FAM234A: variants seen among roughly 807,000 people sequenced by gnomAD.
The protein encoded by FAM234A is protein FAM234A.
FAM234A carries 42 observed loss-of-function variants against 49.1 expected under a neutral mutation model. The observed-to-expected ratio is 0.86, with a 90% CI of 0.67 to 1.11. FAM234A has a LOEUF of 1.11. FAM234A is among the 50% of genes least tolerant of loss of function. The pLI, the probability that FAM234A is intolerant of heterozygous loss-of-function variation, is 0.00. For synonymous variants in FAM234A, 369 were observed against 316.2 expected, an observed-to-expected ratio of 1.17 and a Z score of -1.77; for missense variants, 815 against 745.2, an observed-to-expected ratio of 1.09 and a Z score of -1.09.
At chr16:245,504 TCC>T (rs1166470451) in intron 1 of FAM234A, among the ~76,000 whole-genome samples, 1 of 152,134 alleles carries the variant, frequency 6.6e-6, no homozygotes, top group Non-Finnish European at 1.5e-5. Flanking sequence ...CCCACTGGGG[TCC>T]TTGCCTTTCT....
At chr16:267,562 T>G (rs949718229), downstream of FAM234A, among the ~76,000 whole-genome samples, 1 of 148,708 alleles carries the variant, frequency 6.7e-6, no homozygotes, top group African/African-American at 2.5e-5. Flanking sequence ...ACAGTACACC[T>G]GCACACGTGC....
chr16:269,039 A>G, downstream of FAM234A: 2 of 1,189,996 alleles, frequency 1.7e-6, no homozygotes, highest in Non-Finnish European at 2.4e-6. Context: ...AGCTGAGCCA[A>G]TGAACCCCCT....
At chr16:248,115 T>C (rs991189248) in intron 1 of FAM234A, 12 of 152,122 alleles carry the variant, frequency 7.9e-5, no homozygotes, top group African/African-American at 2.7e-4. Context: ...TATTTCATTC[T>C]GCTCTGCAGG....
intron 1 of FAM234A, among the ~76,000 whole-genome samples, chr16:244,553 T>C (rs1389132693): frequency 6.6e-6 from 1 of 152,162 alleles, no homozygotes; most frequent in Non-Finnish European, 1.5e-5. Flanking sequence ...TCCCCCTTAC[T>C]AACGGTTTTC....
In FAM234A at chr16:255,312, T is replaced by TTTGTAGAGTTATGTAGCTGTCAGTACAA. The variant is rs539448121; in HGVS notation, c.268+634_268+661dup. 9.2e-5 allele frequency among the ~76,000 whole-genome samples: 14 copies of TTTGTAGAGTTATGTAGCTGTCAGTACAA among 152,298 alleles called. 1 individual carries two copies. In the East Asian group the frequency reaches 2.7e-3, roughly 29 times the overall value. ...GCCCAATTCAGTGATTTGTAGTCAG[T>TTTGTAGAGTTATGTAGCTGTCAGTACAA]TTGTAGAGTTATGTAGCTGTCAGTA... On this transcript the variant is annotated intron_variant, in intron 3 of 12. Transcript: ENST00000399932.
At chr16:260,871 T>G (rs140053104) in intron 5 of FAM234A, 104 of 341,116 alleles carry the variant, frequency 3.0e-4, no homozygotes, top group African/African-American at 2.2e-3. Flanking sequence ...GGACCTGTGG[T>G]CAGTAGATCT....
chr16:246,622 T>C (rs2050819293), intron 1 of FAM234A, among the ~76,000 whole-genome samples: 1 of 151,304 alleles, frequency 6.6e-6, no homozygotes, highest in East Asian at 1.9e-4. Context: ...GGTTTCACCG[T>C]GTTAGCCAGG....
chr16:238,817 G>T (rs1454178290), intron 1 of FAM234A, among the ~76,000 whole-genome samples: 2 of 145,978 alleles, frequency 1.4e-5, no homozygotes, highest in Non-Finnish European at 1.5e-5. Context: ...GGGCGTGGTG[G>T]CTCAAGCCTG....
intron 10 of FAM234A, 53 bp downstream of exon 10, chr16:263,828 C>A: frequency 6.6e-7 from 1 of 1,507,896 alleles, no homozygotes; most frequent in Non-Finnish European, 9.2e-7. Flanking sequence ...TGAGGATAGA[C>A]TGGTCTGAAA....
chr16:242,107 G>C (rs2050638222), intron 1 of FAM234A, among the ~76,000 whole-genome samples: 1 of 152,126 alleles, frequency 6.6e-6, no homozygotes, highest in South Asian at 2.1e-4. Flanking sequence ...GGATTGTTTT[G>C]TTCTTCCCCC....
At chr16:263,196 G>T in intron 8 of FAM234A, 66 bp from the exon 9 acceptor site, 2 of 1,578,920 alleles carry the variant, frequency 1.3e-6, no homozygotes, top group Non-Finnish European at 1.7e-6. Context: ...CGGTGCCAGA[G>T]CCTCCACTGG....
intron 2 of FAM234A, 34 bp from the exon 3 acceptor site, chr16:254,347 C>G (rs924223378): frequency 3.8e-6 from 6 of 1,571,436 alleles, no homozygotes; most frequent in African/African-American, 1.4e-5. Context: ...CGTGGGACTG[C>G]TGGCCTCGCC....
downstream of FAM234A, among the ~76,000 whole-genome samples, chr16:267,894 C>A (rs1248576578): frequency 7.0e-6 from 1 of 142,842 alleles, no homozygotes; most frequent in African/African-American, 2.6e-5. Context: ...CATGCACATA[C>A]CACACATGCA....
rs1323208933 is a variant in FAM234A, at chr16:262,185, C to T, written c.801C>T (p.His267=). The T allele has an allele frequency of 1.9e-6, 3 of 1,613,900 alleles. No individual in the cohort carries two copies. Among genetic ancestry groups the T allele is most frequent in the East Asian group, 2.2e-5 (1 of 44,890 alleles). Residue 267 remains histidine (H), a synonymous_variant, in exon 7 of 13, where the codon CAC becomes CAT. Coordinates refer to ENST00000399932, the MANE Select transcript of FAM234A (RefSeq NM_032039.4). ...GVDGESGFLL[H]VTRTGAHYIL... Reference sequence around the variant, plus strand: ...ACGGGGAAAGTGGCTTCCTCCTTCACGTCACCAGGACAGGTGCCCACTACA... The same window carrying T: ...ACGGGGAAAGTGGCTTCCTCCTTCATGTCACCAGGACAGGTGCCCACTACA...
At position 262,284 on chromosome 16, in the gene FAM234A, G is replaced by A. The variant is rs554318039; in HGVS notation, c.841+59G>A. 2.6e-4 allele frequency: 418 copies of A among 1,598,052 alleles called. 2 individuals are homozygous for A. In the South Asian group the frequency reaches 3.5e-3, roughly 14 times the overall value. ...CACTCGTGGAGCATGACTGCCCTGCGGCTCCTCAGGTCCTGCTTCTGCTCT... is the reference window on the plus strand; with the variant it reads ...CACTCGTGGAGCATGACTGCCCTGCAGCTCCTCAGGTCCTGCTTCTGCTCT... On this transcript the variant is annotated intron_variant, in intron 7 of 12. Coordinates refer to ENST00000399932, the MANE Select transcript of FAM234A (RefSeq NM_032039.4).
chr16:256,314 A>T (rs1261345237), intron 3 of FAM234A, among the ~76,000 whole-genome samples: 2 of 151,896 alleles, frequency 1.3e-5, no homozygotes, highest in East Asian at 2.0e-4. Flanking sequence ...CCATTTGACT[A>T]TTTTCCATTC....
At chr16:253,467 T>A (rs2051099581) in intron 2 of FAM234A, among the ~76,000 whole-genome samples, 1 of 152,168 alleles carries the variant, frequency 6.6e-6, no homozygotes, top group African/African-American at 2.4e-5. Flanking sequence ...TTATAAGTAC[T>A]TTATATGCAT....
At chr16:250,605 A>T (rs1345624383) in intron 2 of FAM234A, among the ~76,000 whole-genome samples, 1 of 152,222 alleles carries the variant, frequency 6.6e-6, no homozygotes, top group East Asian at 1.9e-4. Flanking sequence ...GGTAAAATGT[A>T]CATAACGTAA....
rs13335497 is a variant in FAM234A, at chr16:260,006, G to A, written c.423G>A (p.Ser141=). 8,563 of 1,613,406 alleles carry A rather than the reference G, an allele frequency of 5.3e-3. 417 individuals carry two copies. The African/African-American group carries it at 0.1, about 19-fold the overall frequency. ...CCTGCACCTTTGCAGCTGCTGTGTCGGGGGCCAACGGCAGCACGCTCTGGG... is the reference window on the plus strand; with the variant it reads ...CCTGCACCTTTGCAGCTGCTGTGTCAGGGGCCAACGGCAGCACGCTCTGGG... ...SSPCTFAAAV[S]GANGSTLWER... is the part of the protein sequence containing the mutation. Residue 141 remains serine (S), a synonymous_variant, in exon 5 of 13, where the codon TCG becomes TCA. Coordinates refer to ENST00000399932, the MANE Select transcript of FAM234A (RefSeq NM_032039.4).
Sources: gnomAD v4.1 joint callset for allele counts (sites outside exome capture counted in the v4.1 genomes callset) on GRCh38, gnomAD v4.1.1 for gene constraint, MANE v1.5 for transcripts, NCBI Gene and HGNC (gene_info 2026-07-23, HGNC 2026-07-21) for gene names.